TMEM132C: variants seen among roughly 807,000 people sequenced by gnomAD.
The protein encoded by TMEM132C is protein phosphatase 1, regulatory subunit 152.
TMEM132C carries 29 observed loss-of-function variants against 61.4 expected under a neutral mutation model. The observed-to-expected ratio is 0.47, with a 90% CI of 0.35 to 0.64. The LOEUF (loss-of-function observed/expected upper bound fraction) is 0.64, where lower values mean the gene tolerates loss of function less well. Ranked by LOEUF, TMEM132C falls within the 30% of genes least tolerant of loss-of-function variation. The pLI, the probability that TMEM132C is intolerant of heterozygous loss-of-function variation, is 0.00. For synonymous variants in TMEM132C, 656 were observed against 633.1 expected (o/e 1.04, Z -0.54); for missense variants, 1,408 against 1,476.9 (o/e 0.95, Z 0.76).
intron 3 of TMEM132C, among the ~76,000 whole-genome samples, chr12:128,575,473 C>T (rs560608991): frequency 3.1e-4 from 47 of 150,310 alleles, no homozygotes; most frequent in Middle Eastern, 3.4e-3. Context: ...AGTGAGACTC[C>T]GTCTCAAAAA....
chr12:128,395,902 A>G (rs73438639), intron 1 of TMEM132C, among the ~76,000 whole-genome samples: 3 of 152,160 alleles, frequency 2.0e-5, no homozygotes, highest in African/African-American at 7.2e-5. Context: ...GAGTCAATAA[A>G]AAAAAAGGTT....
chr12:128,707,024 C>T lies in TMEM132C; in HGVS notation c.*729C>T, dbSNP rs1954846732. ...GTTCCTAGGAACAATGCCAATTAAT[C>T]CATTGTTTAAGTAGTAACTTGAATG... On this transcript the variant is annotated 3_prime_UTR_variant, in exon 9 of 9. Coordinates refer to ENST00000435159, the MANE Select transcript of TMEM132C (RefSeq NM_001136103.3). 1 of 152,172 alleles carries T rather than the reference C, an allele frequency of 6.6e-6. No individual in the cohort carries two copies. Among genetic ancestry groups the T allele is most frequent in the Non-Finnish European group, 1.5e-5 (1 of 68,024 alleles). 9.4% of individuals were successfully genotyped at this position (152,172 alleles called of 1,614,324 possible). A position where few individuals can be genotyped will look rare whatever the true frequency, so the allele number is the denominator to read the frequency against.
At chr12:128,595,093 C>A (rs1300547727) in intron 3 of TMEM132C, among the ~76,000 whole-genome samples, 1 of 152,204 alleles carries the variant, frequency 6.6e-6, no homozygotes, top group Non-Finnish European at 1.5e-5. Context: ...GGAAACACTG[C>A]TCTCCGGAGA....
chr12:128,374,126 G>A (rs1318006534), intron 1 of TMEM132C, among the ~76,000 whole-genome samples: 1 of 152,194 alleles, frequency 6.6e-6, no homozygotes, highest in African/African-American at 2.4e-5. Context: ...GATGATGACT[G>A]GCCCGGGTGG....
At chr12:128,311,823 A>G (rs1409925829) in intron 1 of TMEM132C, among the ~76,000 whole-genome samples, 1 of 152,148 alleles carries the variant, frequency 6.6e-6, no homozygotes, top group Non-Finnish European at 1.5e-5. Flanking sequence ...TGTCCACATC[A>G]TGCCCTCAGC....
At chr12:128,286,325 C>T (rs1262214798) in intron 1 of TMEM132C, among the ~76,000 whole-genome samples, 1 of 152,172 alleles carries the variant, frequency 6.6e-6, no homozygotes, top group Non-Finnish European at 1.5e-5. Context: ...TGCAGGCTTA[C>T]AAACTCAAAT....
chr12:128,683,651 AC>A (rs1408056431), intron 5 of TMEM132C, among the ~76,000 whole-genome samples: 2 of 152,198 alleles, frequency 1.3e-5, no homozygotes, highest in Non-Finnish European at 2.9e-5. Flanking sequence ...GAGAACAGAA[AC>A]TAGTGTACAG....
intron 1 of TMEM132C, among the ~76,000 whole-genome samples, chr12:128,414,312 A>G (rs1272875465): frequency 6.6e-6 from 1 of 152,174 alleles, no homozygotes; most frequent in Non-Finnish European, 1.5e-5. Context: ...AAACTTCCAT[A>G]TGTTCTTGAG....
intron 2 of TMEM132C, among the ~76,000 whole-genome samples, chr12:128,515,364 C>T (rs140790386): frequency 2.6e-3 from 400 of 152,298 alleles, no homozygotes; most frequent in Middle Eastern, 6.8e-3. Context: ...AGCATGAGTA[C>T]TCTAGCCGAG....
intron 2 of TMEM132C, among the ~76,000 whole-genome samples, chr12:128,418,402 A>G (rs1868858110): frequency 6.6e-6 from 1 of 152,220 alleles, no homozygotes. Context: ...AATGATTGGC[A>G]GGCAACAGTG....
chr12:128,604,455 G>GATAGATA (rs968772427), intron 3 of TMEM132C, among the ~76,000 whole-genome samples: 1 of 136,886 alleles, frequency 7.3e-6, no homozygotes, highest in African/African-American at 2.8e-5. Flanking sequence ...ATAGATAATA[G>GATAGATA]ATGGATAGAT....
chr12:128,703,735 G>A (rs540545616), intron 8 of TMEM132C, among the ~76,000 whole-genome samples: 3 of 152,338 alleles, frequency 2.0e-5, no homozygotes, highest in South Asian at 4.1e-4. Flanking sequence ...GAACATATGC[G>A]TGCATGTGAG....
rs1020046851 is a variant in TMEM132C at position 128,415,236 on chromosome 12, A to T, written c.590A>T (p.Glu197Val). ...GGGGACCTGGGGCTGTGTGTGGCTG[A>T]GCTGGAGCTCCTGTCCAGCTGGTTC... The part of the protein sequence containing the change: ...LKGDLGLCVA[E>V]LELLSSWFSA... The change falls in exon 2 of 9, where the codon GAG (glutamate) becomes GTG (valine). Residue 197 changes from glutamate (E) to valine (V), a missense_variant. Transcript: ENST00000435159. The surrounding 1 kb of genome is among the most constrained non-coding windows in gnomAD (Gnocchi z 5.8). The T allele has an allele frequency of 2.7e-5, 43 of 1,608,664 alleles. No individual in the cohort carries two copies. The highest frequency in any genetic ancestry group is 3.5e-5 in the Non-Finnish European group (41 of 1,177,744).
Position 128,584,767 on chromosome 12 carries a change from A to G in TMEM132C, c.1122-31385A>G, listed in dbSNP as rs539268637. On this transcript the variant is annotated intron_variant, in intron 3 of 8. Coordinates refer to ENST00000435159, the MANE Select transcript of TMEM132C (RefSeq NM_001136103.3). Reference sequence around the variant, plus strand: ...TGCAGCTGGCGAATGGGTGTCAGCTATTGTCAGCTGGGTGCTCCACTGGGC... The same window carrying G: ...TGCAGCTGGCGAATGGGTGTCAGCTGTTGTCAGCTGGGTGCTCCACTGGGC... Among the ~76,000 whole-genome samples the G allele has an allele frequency of 2.0e-5, 3 of 152,238 alleles. No individual in the cohort carries two copies. The East Asian group carries it at 5.8e-4, about 29-fold the overall frequency.
chr12:128,441,646 G>A (rs919776263), intron 2 of TMEM132C, among the ~76,000 whole-genome samples: 1 of 152,166 alleles, frequency 6.6e-6, no homozygotes, highest in African/African-American at 2.4e-5. Flanking sequence ...TAGACATTTG[G>A]TGACAGTGGA....
At chr12:128,376,920 C>T (rs1039831990) in intron 1 of TMEM132C, among the ~76,000 whole-genome samples, 4 of 152,192 alleles carry the variant, frequency 2.6e-5, no homozygotes, top group African/African-American at 9.7e-5. Flanking sequence ...CCAAAGCAGG[C>T]CAGTGACTGC....
At chr12:128,393,371 T>C (rs1050822520) in intron 1 of TMEM132C, among the ~76,000 whole-genome samples, 1 of 152,158 alleles carries the variant, frequency 6.6e-6, no homozygotes, top group Non-Finnish European at 1.5e-5. Context: ...CTCTATAAAA[T>C]AGACTCTCCT....
intron 1 of TMEM132C, among the ~76,000 whole-genome samples, chr12:128,373,203 A>G (rs1874082093): frequency 6.6e-6 from 1 of 152,094 alleles, no homozygotes; most frequent in Non-Finnish European, 1.5e-5. Flanking sequence ...TCCTCTTCCC[A>G]CAGGATCAAA....
intron 2 of TMEM132C, among the ~76,000 whole-genome samples, chr12:128,426,152 C>G (rs375485933): frequency 2.6e-4 from 40 of 152,208 alleles, no homozygotes; most frequent in Admixed American, 2.6e-3. Flanking sequence ...ACCTTCGCCA[C>G]GTGGAGAATA....
Sources: allele counts gnomAD v4.1 joint callset (sites outside exome capture counted in the v4.1 genomes callset), GRCh38; gene constraint gnomAD v4.1.1; non-coding constraint Gnocchi (gnomAD v3.1); transcripts MANE v1.5; gene names NCBI Gene and HGNC (gene_info 2026-07-23, HGNC 2026-07-21).